Variants in KCNH1 observed in about 807,000 individuals in gnomAD.
KCNH1 encodes the protein voltage-gated delayed rectifier potassium channel KCNH1.
A neutral mutation model predicts 69.2 loss-of-function variants in KCNH1; 27 were observed. That is an observed-to-expected ratio of 0.39 (90% CI 0.29 to 0.54). The LOEUF (loss-of-function observed/expected upper bound fraction) is 0.54. Ranked by LOEUF, KCNH1 falls within the 20% of genes least tolerant of loss-of-function variation. The pLI, the probability that KCNH1 is intolerant of heterozygous loss-of-function variation, is 0.68. For synonymous variants in KCNH1, 456 were observed against 487.7 expected (o/e 0.93, Z 0.86); for missense variants, 798 against 1,261.6 (o/e 0.63, Z 5.57).
At chr1:211,096,795 T>C (rs750077656) in intron 3 of KCNH1, among the ~76,000 whole-genome samples, 2 of 152,190 alleles carry the variant, frequency 1.3e-5, no homozygotes, top group Non-Finnish European at 2.9e-5. Context: ...AAAATTAAGG[T>C]GTAAGCATGG....
intron 10 of KCNH1, among the ~76,000 whole-genome samples, chr1:210,704,246 T>C (rs1681849238): frequency 6.6e-6 from 1 of 152,102 alleles, no homozygotes; most frequent in Admixed American, 6.5e-5. Flanking sequence ...GCTGTCTCAA[T>C]AGCAGGAGGG....
At chr1:210,995,621 G>A (rs1053520326) in intron 6 of KCNH1, among the ~76,000 whole-genome samples, 5 of 152,116 alleles carry the variant, frequency 3.3e-5, no homozygotes, top group Non-Finnish European at 7.4e-5. Context: ...AAACAGAATT[G>A]GGCAGCACCC....
intron 10 of KCNH1, among the ~76,000 whole-genome samples, chr1:210,733,148 A>G (rs1194698370): frequency 6.6e-6 from 1 of 152,178 alleles, no homozygotes. Flanking sequence ...GTATCCTTTC[A>G]TATGGCCTAT....
intron 5 of KCNH1, among the ~76,000 whole-genome samples, chr1:211,065,892 C>T (rs772474373): frequency 1.4e-4 from 22 of 151,858 alleles, no homozygotes; most frequent in Non-Finnish European, 2.5e-4. Flanking sequence ...AGACCCCCAT[C>T]TCTACAAAAA....
At chr1:210,949,624 G>A (rs1440717915) in intron 6 of KCNH1, among the ~76,000 whole-genome samples, 1 of 152,154 alleles carries the variant, frequency 6.6e-6, no homozygotes, top group Non-Finnish European at 1.5e-5. Context: ...AGGGGAACAC[G>A]CAAAACAGCA....
intron 9 of KCNH1, among the ~76,000 whole-genome samples, chr1:210,779,638 T>G (rs563390206): frequency 1.2e-3 from 185 of 152,350 alleles, no homozygotes; most frequent in South Asian, 4.1e-3. Context: ...TTGATTTATT[T>G]ATTACACTGA....
intron 10 of KCNH1, among the ~76,000 whole-genome samples, chr1:210,769,063 T>C (rs1574244861): frequency 2.6e-5 from 4 of 152,298 alleles, no homozygotes; most frequent in East Asian, 3.9e-4. Context: ...GACAGACTAA[T>C]AGATGATTTT....
chr1:210,689,934 G>A (rs1681492763), intron 10 of KCNH1, among the ~76,000 whole-genome samples: 1 of 152,248 alleles, frequency 6.6e-6, no homozygotes, highest in South Asian at 2.1e-4. Flanking sequence ...CCCCTGGATG[G>A]ATGGATGGTG....
chr1:211,011,713 C>A (rs1446176955), intron 6 of KCNH1, among the ~76,000 whole-genome samples: 3 of 152,132 alleles, frequency 2.0e-5, no homozygotes, highest in African/African-American at 7.2e-5. Context: ...GGTCCCCTAG[C>A]CACTCCCCAG....
chr1:211,103,886 A>C (rs1421057123), intron 2 of KCNH1, among the ~76,000 whole-genome samples: 1 of 152,252 alleles, frequency 6.6e-6, no homozygotes. Flanking sequence ...ATGGCAGCGC[A>C]CATAATGAAT....
At chr1:210,874,912 T>G (rs1220500646) in intron 7 of KCNH1, among the ~76,000 whole-genome samples, 1 of 152,086 alleles carries the variant, frequency 6.6e-6, no homozygotes, top group Admixed American at 6.5e-5. Context: ...GAAGGCAGAA[T>G]GGTGGATTAA....
At chr1:210,885,180 G>A (rs1206146736) in intron 7 of KCNH1, among the ~76,000 whole-genome samples, 4 of 152,202 alleles carry the variant, frequency 2.6e-5, no homozygotes, top group Admixed American at 1.3e-4. Flanking sequence ...CGCAGAAGGC[G>A]GGTGATTTCT....
At chr1:210,810,144 A>G (rs547109350) in intron 7 of KCNH1, among the ~76,000 whole-genome samples, 2 of 152,196 alleles carry the variant, frequency 1.3e-5, no homozygotes, top group Admixed American at 1.3e-4. Context: ...GTTTTTTGAG[A>G]CCTAACATGT....
chr1:211,080,341 AT>A (rs778058192), intron 5 of KCNH1, among the ~76,000 whole-genome samples: 16 of 152,226 alleles, frequency 1.1e-4, no homozygotes, highest in Non-Finnish European at 2.2e-4. Context: ...ATGGAAGAAC[AT>A]TCCATCCTCA....
At position 211,018,786 on chromosome 1, in the gene KCNH1, ACT is replaced by A; in HGVS notation, c.1027_1028del (p.Gln344GlyfsTer23). 6.3e-7 allele frequency: 1 copy of A among 1,598,350 alleles called. No homozygotes were observed. On this transcript the variant is annotated frameshift_variant, in exon 6 of 11. Transcript: ENST00000271751. LOFTEE classifies it high-confidence loss of function. ...QIPPPLEGRESQGISSLFSSL... is the reference protein window; with the variant it reads ...QIPPPLEGREXQGISSLFSSL... ...GTCTGAGATTTGAGGGATGTACCTG[ACT>A]CTCTCTCCCCTCCAGTGGTGGTGGA...
chr1:210,744,843 G>A (rs949917774), intron 10 of KCNH1, among the ~76,000 whole-genome samples: 2 of 152,050 alleles, frequency 1.3e-5, no homozygotes, highest in Admixed American at 1.3e-4. Flanking sequence ...GTTAGTTACC[G>A]GGGATAAAGC....
At chr1:210,865,719 A>G (rs1390307442) in intron 7 of KCNH1, among the ~76,000 whole-genome samples, 1 of 152,176 alleles carries the variant, frequency 6.6e-6, no homozygotes, top group African/African-American at 2.4e-5. Flanking sequence ...CCCCAATCGC[A>G]TTTTCCAAAG....
Position 210,683,656 on chromosome 1 carries a change from C to A in KCNH1, c.2595G>T (p.Arg865Ser), listed in dbSNP as rs1345202329. 2 of 1,614,232 alleles carry A rather than the reference C, an allele frequency of 1.2e-6. No individual in the cohort carries two copies. The highest frequency in any genetic ancestry group is 8.5e-7 in the Non-Finnish European group (1 of 1,180,044). Reference protein sequence around the residue: ...KAESMETLPERTKASGEATLK... With the variant: ...KAESMETLPESTKASGEATLK... ...GTGTGGCCTCGCCTGACGCTTTTGT[C>A]CTCTCGGGAAGTGTCTCCATCGACT... The change falls in exon 11 of 11, where the codon AGG becomes AGT. Residue 865 changes from arginine (R) to serine (S), a missense_variant. This residue lies in a region of KCNH1 where 331 missense variants were observed against 363.2 expected (regional missense o/e 0.91). Transcript: ENST00000271751. This position sits in a 1 kb window ranked among gnomAD's most constrained non-coding sequence, Gnocchi z 5.7.
intron 10 of KCNH1, among the ~76,000 whole-genome samples, chr1:210,764,539 TA>T (rs1456740975): frequency 6.6e-6 from 1 of 151,972 alleles, no homozygotes; most frequent in Non-Finnish European, 1.5e-5. Flanking sequence ...ATAACTTCAT[TA>T]AAAAGTGGGC....
Sources: allele counts gnomAD v4.1 joint callset (sites outside exome capture counted in the v4.1 genomes callset), GRCh38; gene constraint gnomAD v4.1.1; regional missense constraint gnomAD v4.1.1; non-coding constraint Gnocchi (gnomAD v3.1); transcripts MANE v1.5; gene names NCBI Gene and HGNC (gene_info 2026-07-23, HGNC 2026-07-21).